The following SPATA16 variants were observed in gnomAD, a reference collection of about 807,000 sequenced individuals.
SPATA16 encodes spermatogenesis associated 16.
A neutral mutation model predicts 63.3 loss-of-function variants in SPATA16; 36 were observed. The ratio of observed to expected loss-of-function variants is 0.57; its 90% CI spans 0.44 to 0.75. SPATA16 has a LOEUF of 0.75. Ranked by LOEUF, SPATA16 falls within the 30% of genes least tolerant of loss-of-function variation. The probability of loss-of-function intolerance (pLI) is 0.00; values close to 1 mark genes in which losing one functional copy is unlikely to be tolerated. For missense variants in SPATA16, 646 were observed against 679.3 expected (o/e 0.95, Z 0.54); for synonymous variants, 203 against 216.7 (o/e 0.94, Z 0.56).
chr3:172,906,448 C>T (rs971263402), intron 10 of SPATA16, among the ~76,000 whole-genome samples: 1 of 152,206 alleles, frequency 6.6e-6, no homozygotes, highest in Admixed American at 6.5e-5. Context: ...TCCTCAGTGA[C>T]TCTTTGGCTC....
At chr3:172,903,370 C>T (rs1389470215) in intron 10 of SPATA16, among the ~76,000 whole-genome samples, 1 of 152,218 alleles carries the variant, frequency 6.6e-6, no homozygotes, top group Admixed American at 6.5e-5. Flanking sequence ...CTAATACGAG[C>T]ATTTCCAATT....
chr3:173,048,033 C>T (rs909770536), intron 3 of SPATA16, among the ~76,000 whole-genome samples: 1 of 152,058 alleles, frequency 6.6e-6, no homozygotes, highest in Non-Finnish European at 1.5e-5. Context: ...TAATAAATCT[C>T]CCATTTACAA....
intron 2 of SPATA16, among the ~76,000 whole-genome samples, chr3:173,074,286 G>C (rs935254147): frequency 3.9e-5 from 6 of 152,132 alleles, no homozygotes; most frequent in African/African-American, 1.4e-4. Context: ...CAAATGTGAG[G>C]ACATGAGATT....
chr3:173,104,160 T>C (rs573616158), intron 2 of SPATA16, among the ~76,000 whole-genome samples: 10 of 152,348 alleles, frequency 6.6e-5, no homozygotes, highest in African/African-American at 2.4e-4. Flanking sequence ...TGGACTTCAC[T>C]GTCCATATCA....
At chr3:173,108,311 C>T (rs758925934) in intron 2 of SPATA16, among the ~76,000 whole-genome samples, 1 of 151,906 alleles carries the variant, frequency 6.6e-6, no homozygotes, top group Non-Finnish European at 1.5e-5. Flanking sequence ...AGATTATGTT[C>T]AGTATAAATT....
chr3:173,049,588 G>A (rs778739353), intron 2 of SPATA16, among the ~76,000 whole-genome samples: 12 of 152,078 alleles, frequency 7.9e-5, no homozygotes, highest in Non-Finnish European at 1.5e-4. Flanking sequence ...AAACTCCTAG[G>A]AGCCATTAAC....
chr3:173,044,527 G>T (rs1735914011), intron 3 of SPATA16, among the ~76,000 whole-genome samples: 1 of 152,116 alleles, frequency 6.6e-6, no homozygotes, highest in South Asian at 2.1e-4. Flanking sequence ...ATCCTTGAAT[G>T]TACTTTCATA....
chr3:172,903,133 G>A (rs181184951), intron 10 of SPATA16, among the ~76,000 whole-genome samples: 4 of 152,158 alleles, frequency 2.6e-5, no homozygotes, highest in Admixed American at 2.0e-4. Context: ...ATTGCAAAAC[G>A]TAATGTATAA....
At chr3:172,910,282 T>C (rs1000589015) in intron 10 of SPATA16, among the ~76,000 whole-genome samples, 2 of 151,916 alleles carry the variant, frequency 1.3e-5, no homozygotes, top group East Asian at 1.9e-4. Context: ...TTAGTAGAGA[T>C]GGGGTTTCAC....
At chr3:172,951,348 G>A (rs1333540679) in intron 6 of SPATA16, among the ~76,000 whole-genome samples, 1 of 152,022 alleles carries the variant, frequency 6.6e-6, no homozygotes, top group Non-Finnish European at 1.5e-5. Flanking sequence ...GATCTACAAG[G>A]CAGATTTGAA....
At chr3:172,911,740 T>C (rs1732375627) in intron 10 of SPATA16, among the ~76,000 whole-genome samples, 1 of 152,180 alleles carries the variant, frequency 6.6e-6, no homozygotes, top group South Asian at 2.1e-4. Context: ...TTCTTAACCT[T>C]TTCTTTTCTC....
At chr3:173,075,594 TA>T (rs1736782559) in intron 2 of SPATA16, among the ~76,000 whole-genome samples, 1 of 152,100 alleles carries the variant, frequency 6.6e-6, no homozygotes, top group Non-Finnish European at 1.5e-5. Flanking sequence ...TATTCAGCCA[TA>T]AAAAATGAAA....
chr3:173,061,211 T>C (rs913867083), intron 2 of SPATA16, among the ~76,000 whole-genome samples: 5 of 152,190 alleles, frequency 3.3e-5, no homozygotes, highest in African/African-American at 1.2e-4. Context: ...GAGATTAACA[T>C]TTGTACGTGG....
At chr3:172,985,739 T>TA (rs1373472413) in intron 4 of SPATA16, among the ~76,000 whole-genome samples, 1 of 152,152 alleles carries the variant, frequency 6.6e-6, no homozygotes, top group South Asian at 2.1e-4. Flanking sequence ...AGCAGGGACA[T>TA]ATCACATGCT....
chr3:173,095,107 G>A (rs1737320679), intron 2 of SPATA16, among the ~76,000 whole-genome samples: 1 of 152,092 alleles, frequency 6.6e-6, no homozygotes, highest in Non-Finnish European at 1.5e-5. Context: ...TACTAGTAGG[G>A]TGATCTTTAT....
chr3:173,058,163 T>C (rs1560109435), intron 2 of SPATA16, among the ~76,000 whole-genome samples: 3 of 152,170 alleles, frequency 2.0e-5, no homozygotes, highest in Non-Finnish European at 4.4e-5. Context: ...TCCATACTAC[T>C]ATGTAATCTG....
At chr3:173,097,524 T>C (rs1737388299) in intron 2 of SPATA16, among the ~76,000 whole-genome samples, 1 of 152,174 alleles carries the variant, frequency 6.6e-6, no homozygotes, top group African/African-American at 2.4e-5. Flanking sequence ...TAGTTCATGA[T>C]AAGTGCTTCA....
intron 3 of SPATA16, among the ~76,000 whole-genome samples, chr3:173,038,106 T>C (rs181338340): frequency 2.0e-5 from 3 of 152,136 alleles, no homozygotes; most frequent in Admixed American, 1.3e-4. Context: ...GATTTCTATC[T>C]GGAAAGGAAG....
At chr3:172,897,598 A>G (rs1560060267) in intron 10 of SPATA16, among the ~76,000 whole-genome samples, 2 of 152,146 alleles carry the variant, frequency 1.3e-5, no homozygotes, top group East Asian at 1.9e-4. Context: ...TTGCTGTTAT[A>G]TAAAAATACA....
Sources: allele counts gnomAD v4.1 joint callset (sites outside exome capture counted in the v4.1 genomes callset), GRCh38; gene constraint gnomAD v4.1.1; transcripts MANE v1.5; gene names NCBI Gene and HGNC (gene_info 2026-07-23, HGNC 2026-07-21).